Variants in FCHSD2 observed in about 807,000 individuals in gnomAD.
The protein encoded by FCHSD2 is FCH and double SH3 domains 2, also known as F-BAR and double SH3 domains protein 2.
FCHSD2 carries 38 observed loss-of-function variants against 108.1 expected under a neutral mutation model. The observed-to-expected ratio is 0.35, with a 90% CI of 0.27 to 0.46. The LOEUF (loss-of-function observed/expected upper bound fraction) is 0.46, where lower values mean the gene tolerates loss of function less well. Among genes scored for constraint, FCHSD2 ranks in the 20% least tolerant of loss-of-function variants. The probability of loss-of-function intolerance (pLI) is 1.00; values close to 1 mark genes in which losing one functional copy is unlikely to be tolerated. For missense variants in FCHSD2, 751 were observed against 897.8 expected, an observed-to-expected ratio of 0.84 and a Z score of 2.09; for synonymous variants, 279 against 314.7, an observed-to-expected ratio of 0.89 and a Z score of 1.20.
At chr11:72,899,668 T>C (rs1315247798) in intron 10 of FCHSD2, among the ~76,000 whole-genome samples, 2 of 139,760 alleles carry the variant, frequency 1.4e-5, no homozygotes, top group Non-Finnish European at 3.0e-5. Flanking sequence ...GCCCAGGAGG[T>C]TGAGGCGCAG....
chr11:73,052,103 A>C (rs1476214469), intron 3 of FCHSD2, among the ~76,000 whole-genome samples: 1 of 152,226 alleles, frequency 6.6e-6, no homozygotes, highest in East Asian at 1.9e-4. Context: ...ATTGAAACTT[A>C]ATAAATGCAA....
At chr11:73,141,671 C>T (rs928210763) in intron 1 of FCHSD2, among the ~76,000 whole-genome samples, 186 bp downstream of exon 1, 1 of 152,180 alleles carries the variant, frequency 6.6e-6, no homozygotes, top group Non-Finnish European at 1.5e-5. Flanking sequence ...GCCCCGGCGG[C>T]CCCTCTGTCG....
intron 13 of FCHSD2, among the ~76,000 whole-genome samples, chr11:72,858,992 A>G (rs898534174): frequency 6.6e-6 from 1 of 152,174 alleles, no homozygotes; most frequent in Non-Finnish European, 1.5e-5. Context: ...TGTATGAAGA[A>G]AGTTTTTAGG....
chr11:72,858,480 A>T (rs1861483379), intron 13 of FCHSD2, among the ~76,000 whole-genome samples: 3 of 152,246 alleles, frequency 2.0e-5, no homozygotes, highest in Admixed American at 2.0e-4. Context: ...ACATGGATAG[A>T]GCTGGAGGCC....
chr11:72,940,742 G>C (rs1045802572), intron 8 of FCHSD2: 2 of 864,844 alleles, frequency 2.3e-6, no homozygotes, highest in Non-Finnish European at 3.9e-6. Context: ...GCAACTAATG[G>C]CAAGCCTGTT....
chr11:73,024,208 A>G (rs1374217947), intron 3 of FCHSD2, among the ~76,000 whole-genome samples: 1 of 152,198 alleles, frequency 6.6e-6, no homozygotes, highest in Admixed American at 6.5e-5. Context: ...GATAGAATGC[A>G]GACTGTGACA....
chr11:73,042,588 A>G (rs889599604), intron 3 of FCHSD2, among the ~76,000 whole-genome samples: 1 of 152,098 alleles, frequency 6.6e-6, no homozygotes, highest in African/African-American at 2.4e-5. Context: ...TTCTATTTCT[A>G]TGAAGAATGT....
chr11:72,843,006 G>T, intron 16 of FCHSD2, 145 bp downstream of exon 16: 1 of 909,178 alleles, frequency 1.1e-6, no homozygotes, highest in Non-Finnish European at 1.7e-6. Context: ...GTTCTACTGT[G>T]CAGGACAAAC....
chr11:72,843,163 C>G lies in FCHSD2; in HGVS notation c.1693G>C (p.Gly565Arg). 1 of 1,613,970 alleles carries G rather than the reference C, an allele frequency of 6.2e-7. No homozygotes were observed. Among genetic ancestry groups the G allele is most frequent in the Non-Finnish European group, 8.5e-7 (1 of 1,179,892 alleles). The stretch of plus-strand genomic sequence containing the variant: ...TTTCAGTCTTTACCACTGGCATCTC[C>G]GTTGAGGCTGCCTGAAACGAGTTCT... ...EAELVSGSLNGDASVCFVKAL... is the reference protein window; with the variant it reads ...EAELVSGSLNRDASVCFVKAL... The change falls in exon 16 of 20, where the codon GGA becomes CGA. Residue 565 changes from glycine (G) to arginine (R), a missense_variant. By Grantham distance (125) the Gly-to-Arg change is moderately radical. Transcript: ENST00000409418.
At chr11:73,065,795 AG>A (rs758591793) in intron 3 of FCHSD2, among the ~76,000 whole-genome samples, 13 of 152,190 alleles carry the variant, frequency 8.5e-5, no homozygotes, top group Non-Finnish European at 1.6e-4. Flanking sequence ...CCAACTTACA[AG>A]GGATGTGAAG....
At chr11:72,961,598 C>T (rs551022538) in intron 8 of FCHSD2, among the ~76,000 whole-genome samples, 1 of 152,130 alleles carries the variant, frequency 6.6e-6, no homozygotes, top group Admixed American at 6.6e-5. Flanking sequence ...GAAATGGATA[C>T]TTTTGAGAAA....
At chr11:72,907,119 G>A (rs1047774265) in intron 9 of FCHSD2, among the ~76,000 whole-genome samples, 1 of 152,080 alleles carries the variant, frequency 6.6e-6, no homozygotes, top group Admixed American at 6.5e-5. Context: ...TTGTGAATGG[G>A]AGTTCACTCA....
At chr11:72,984,707 A>C (rs562662362) in intron 7 of FCHSD2, among the ~76,000 whole-genome samples, 1 of 152,372 alleles carries the variant, frequency 6.6e-6, no homozygotes, top group East Asian at 1.9e-4. Flanking sequence ...ACTCACTCAC[A>C]TCTGGCCCAG....
chr11:72,881,690 A>G (rs555683353), intron 12 of FCHSD2, among the ~76,000 whole-genome samples: 1 of 152,360 alleles, frequency 6.6e-6, no homozygotes, highest in Admixed American at 6.5e-5. Context: ...ATGGAATACT[A>G]TTCAGTCATA....
intron 1 of FCHSD2, 124 bp downstream of exon 1, chr11:73,141,733 G>C: frequency 9.3e-7 from 1 of 1,071,112 alleles, no homozygotes; most frequent in South Asian, 1.6e-5. Context: ...GCAAGTCGGT[G>C]ACAAGCCCAA....
intron 3 of FCHSD2, among the ~76,000 whole-genome samples, chr11:73,056,253 C>T (rs1437620084): frequency 6.6e-6 from 1 of 152,052 alleles, no homozygotes; most frequent in Non-Finnish European, 1.5e-5. Context: ...GGCTTACGAG[C>T]CAAGGTAGGG....
At chr11:72,846,964 ATTAT>A (rs1417704751) in intron 14 of FCHSD2, among the ~76,000 whole-genome samples, 17 of 152,268 alleles carry the variant, frequency 1.1e-4, no homozygotes, top group Admixed American at 1.1e-3. Context: ...GTCTAGTTTA[ATTAT>A]TCTCATTGAA....
At chr11:72,993,580 T>C (rs1857460854) in intron 5 of FCHSD2, among the ~76,000 whole-genome samples, 4 of 152,090 alleles carry the variant, frequency 2.6e-5, no homozygotes, top group Admixed American at 2.6e-4. Flanking sequence ...TATGCAGCCA[T>C]AAAAATGATG....
chr11:73,125,452 C>G (rs1410661710), intron 2 of FCHSD2, among the ~76,000 whole-genome samples: 1 of 85,062 alleles, frequency 1.2e-5, no homozygotes, highest in Non-Finnish European at 2.5e-5. Flanking sequence ...TGCCTATAAT[C>G]CCAGCACTTT....
Sources: allele counts gnomAD v4.1 joint callset (sites outside exome capture counted in the v4.1 genomes callset), GRCh38; gene constraint gnomAD v4.1.1; transcripts MANE v1.5; gene names NCBI Gene and HGNC (gene_info 2026-07-23, HGNC 2026-07-21).